Variants in KANK1 observed in about 807,000 individuals in gnomAD.
KANK1 encodes the protein KN motif and ankyrin repeat domain-containing protein 1.
KANK1 carries 109 observed loss-of-function variants against 106.2 expected under a neutral mutation model. The ratio of observed to expected loss-of-function variants is 1.03; its 90% CI spans 0.88 to 1.20. The LOEUF (loss-of-function observed/expected upper bound fraction) is 1.20. Ranked by LOEUF, KANK1 falls within the 50% of genes most tolerant of loss-of-function variation. KANK1 has a pLI of 0.00. For missense variants in KANK1, 2,399 were observed against 1,710.7 expected (o/e 1.40, Z -7.10); for synonymous variants, 873 against 652.2 (o/e 1.34, Z -5.16).
chr9:605,978 G>T (rs1024560369), intron 1 of KANK1, among the ~76,000 whole-genome samples: 3 of 151,782 alleles, frequency 2.0e-5, no homozygotes, highest in South Asian at 4.1e-4. Flanking sequence ...AGAATAGGTG[G>T]TGATTAAACA....
chr9:610,409 G>C (rs1830292877), intron 1 of KANK1, among the ~76,000 whole-genome samples: 1 of 152,166 alleles, frequency 6.6e-6, no homozygotes, highest in Non-Finnish European at 1.5e-5. Flanking sequence ...TGAGTGATAT[G>C]GAAGTGATAA....
chr9:506,802 G>A (rs1056385375), intron 1 of KANK1, among the ~76,000 whole-genome samples: 1 of 152,076 alleles, frequency 6.6e-6, no homozygotes, highest in Non-Finnish European at 1.5e-5. Context: ...TCTAGTTGGG[G>A]GCAGTGCAAG....
chr9:478,533 G>A (rs1006390487), intron 3 of KANK1: 3 of 152,206 alleles, frequency 2.0e-5, no homozygotes, highest in Non-Finnish European at 2.9e-5. Flanking sequence ...GCTAAAAGAT[G>A]TCAATACCAA....
chr9:533,859 A>G (rs528459455), intron 1 of KANK1, among the ~76,000 whole-genome samples: 12 of 152,310 alleles, frequency 7.9e-5, no homozygotes, highest in African/African-American at 2.6e-4. Context: ...CCTCTAAGCC[A>G]TGCCTCCCCT....
At chr9:543,073 A>T (rs1335522584) in intron 1 of KANK1, among the ~76,000 whole-genome samples, 1 of 152,214 alleles carries the variant, frequency 6.6e-6, no homozygotes, top group Non-Finnish European at 1.5e-5. Flanking sequence ...TTAATTAGCT[A>T]GATTTAATTT....
intron 1 of KANK1, among the ~76,000 whole-genome samples, chr9:555,211 T>C (rs912560912): frequency 1.3e-5 from 2 of 152,196 alleles, no homozygotes; most frequent in Non-Finnish European, 2.9e-5. Flanking sequence ...CCTAGTCTTA[T>C]ACCACGTCAG....
chr9:732,581 A>C lies in KANK1; in HGVS notation c.3209A>C (p.Gln1070Pro). 1 of 1,614,188 alleles carries C rather than the reference A, an allele frequency of 6.2e-7. No individual in the cohort carries two copies. Among genetic ancestry groups the C allele is most frequent in the Non-Finnish European group, 8.5e-7 (1 of 1,180,028 alleles). The part of the protein sequence containing the change: ...SARVEDEMQV[Q>P]ECEPEKVEIR... The stretch of plus-strand genomic sequence containing the variant: ...AGGGTGGAAGATGAAATGCAGGTTC[A>C]AGAATGTGAACCTGAGAAGGTGGAA... The change falls in exon 6 of 12, where the codon CAA becomes CCA. Residue 1070 changes from glutamine (Q) to proline (P), a missense_variant. Coordinates refer to ENST00000382297, the MANE Select transcript of KANK1 (RefSeq NM_015158.5).
chr9:612,759 C>T (rs1830871031), intron 1 of KANK1, among the ~76,000 whole-genome samples: 1 of 152,110 alleles, frequency 6.6e-6, no homozygotes, highest in African/African-American at 2.4e-5. Context: ...GAAAAGGTAG[C>T]AGTTATATGT....
chr9:507,664 C>G (rs1429674982), intron 1 of KANK1, among the ~76,000 whole-genome samples: 1 of 151,086 alleles, frequency 6.6e-6, no homozygotes, highest in Non-Finnish European at 1.5e-5. Context: ...TCAAGCGATT[C>G]TCGTGCCTCA....
chr9:610,934 G>A (rs1455525078), intron 1 of KANK1, among the ~76,000 whole-genome samples: 1 of 152,184 alleles, frequency 6.6e-6, no homozygotes, highest in Non-Finnish European at 1.5e-5. Context: ...CAGTCCCGTA[G>A]AAGAAGAATG....
chr9:621,822 C>G (rs1167739182), intron 1 of KANK1, among the ~76,000 whole-genome samples: 5 of 152,084 alleles, frequency 3.3e-5, no homozygotes, highest in Non-Finnish European at 5.9e-5. Flanking sequence ...GCATCTTACT[C>G]TGTAGACTTC....
chr9:689,379 C>G (rs755176925), intron 2 of KANK1, among the ~76,000 whole-genome samples: 7 of 152,276 alleles, frequency 4.6e-5, no homozygotes, highest in South Asian at 2.1e-4. Context: ...ACTCTCCTGA[C>G]AAGAATCAGA....
At chr9:745,071 G>A (rs1836835818) in intron 11 of KANK1, 102 bp from the exon 12 acceptor site, 1 of 1,542,376 alleles carries the variant, frequency 6.5e-7, no homozygotes, top group African/African-American at 1.4e-5. Context: ...CGGGCTCACA[G>A]CTGCTTGTTG....
intron 3 of KANK1, among the ~76,000 whole-genome samples, chr9:715,115 CTG>C (rs753375565): frequency 1.3e-5 from 2 of 152,132 alleles, no homozygotes; most frequent in Admixed American, 6.5e-5. Flanking sequence ...TTTTCAGTAT[CTG>C]TGCTATAGGA....
intron 9 of KANK1, among the ~76,000 whole-genome samples, chr9:741,368 G>A (rs1047811385): frequency 6.6e-6 from 1 of 151,630 alleles, no homozygotes; most frequent in African/African-American, 2.4e-5. Context: ...CCCCCAGGCT[G>A]GAGTGCAGTG....
At chr9:671,388 G>A (rs1206308485) in intron 1 of KANK1, among the ~76,000 whole-genome samples, 6 of 151,898 alleles carry the variant, frequency 4.0e-5, no homozygotes, top group African/African-American at 1.2e-4. Flanking sequence ...GCTCACACCT[G>A]TAATCCCAGC....
chr9:516,159 T>C (rs530534818), intron 1 of KANK1, among the ~76,000 whole-genome samples: 6 of 151,760 alleles, frequency 4.0e-5, no homozygotes, highest in South Asian at 2.1e-4. Context: ...TTTGGCCTCT[T>C]GGTGGCAAGA....
chr9:594,085 G>T (rs978053885), intron 1 of KANK1, among the ~76,000 whole-genome samples: 1 of 151,904 alleles, frequency 6.6e-6, no homozygotes, highest in East Asian at 1.9e-4. Context: ...TCTGCTGTAA[G>T]TGATGGGGGC....
chr9:635,214 G>C (rs1414601650), intron 1 of KANK1, among the ~76,000 whole-genome samples: 1 of 152,030 alleles, frequency 6.6e-6, no homozygotes. Context: ...TAAAAAGTCT[G>C]TGCCTGCCTA....
Sources: allele counts gnomAD v4.1 joint callset (sites outside exome capture counted in the v4.1 genomes callset), GRCh38; gene constraint gnomAD v4.1.1; transcripts MANE v1.5; gene names NCBI Gene and HGNC (gene_info 2026-07-23, HGNC 2026-07-21).